Variants in RAC2 observed in about 807,000 individuals in gnomAD.
RAC2 encodes the protein ras-related C3 botulinum toxin substrate 2.
Under a neutral mutation model 24.0 loss-of-function variants are expected in RAC2, and 1 was observed. The ratio of observed to expected loss-of-function variants is 0.04; its 90% CI spans 0.01 to 0.20. The LOEUF is 0.20. Ranked by LOEUF, RAC2 falls within the 10% of genes least tolerant of loss-of-function variation. The pLI is 1.00. For synonymous variants in RAC2, 114 were observed against 106.8 expected (o/e 1.07, Z -0.41); for missense variants, 130 against 259.1 (o/e 0.50, Z 3.42).
chr22:37,230,931 AC>A (rs1445174114), intron 5 of RAC2, among the ~76,000 whole-genome samples: 2 of 152,314 alleles, frequency 1.3e-5, no homozygotes, highest in Non-Finnish European at 2.9e-5. Flanking sequence ...GACGACTACT[AC>A]TAACACAGAG....
rs1378509016 is a variant in RAC2 at position 37,244,248 on chromosome 22, A to G, written c.-100T>C. On this transcript the variant is annotated 5_prime_UTR_variant, in exon 1 of 7. Transcript: ENST00000249071. ...GAGGCTGGTGAGGCGCCTGCTGAGG[A>G]GCAGCGGTGGTGGGGCAGGAGGAAA... 4 of 1,368,602 alleles carry G rather than the reference A, an allele frequency of 2.9e-6. No homozygotes were observed. The highest frequency in any genetic ancestry group is 4.1e-6 in the Non-Finnish European group (4 of 977,594). 84.8% of individuals were successfully genotyped at this position (1,368,602 alleles called of 1,614,324 possible).
intron 2 of RAC2, among the ~76,000 whole-genome samples, chr22:37,236,928 C>A (rs1030263805): frequency 7.9e-5 from 12 of 152,140 alleles, no homozygotes; most frequent in African/African-American, 2.9e-4. Context: ...CGGTGGCTCA[C>A]GCCTGTAATC....
intron 5 of RAC2, among the ~76,000 whole-genome samples, chr22:37,230,145 C>T (rs1364331248): frequency 6.6e-6 from 1 of 151,962 alleles, no homozygotes; most frequent in Non-Finnish European, 1.5e-5. Flanking sequence ...TAGTCTGAGG[C>T]CCCCGGGGAA....
intron 3 of RAC2, 156 bp downstream of exon 3, chr22:37,232,645 T>A: frequency 1.5e-6 from 1 of 675,350 alleles, no homozygotes; most frequent in South Asian, 1.6e-5. Flanking sequence ...AGGAAGCCCT[T>A]CTCTGCCTGG....
Position 37,231,191 on chromosome 22 carries a change from C to A in RAC2, c.448+40G>T, listed in dbSNP as rs549367562. 4.3e-6 allele frequency: 7 copies of A among 1,611,050 alleles called. No homozygotes were observed. The East Asian group carries it at 1.6e-4, about 36-fold the overall frequency. Reference sequence around the variant, plus strand: ...CACCACGAGGCCAAGTCAGGGCCTCCCCTGCAGCCAGATCGCCCCTCTGAG... The same window carrying A: ...CACCACGAGGCCAAGTCAGGGCCTCACCTGCAGCCAGATCGCCCCTCTGAG... On this transcript the variant is annotated intron_variant, in intron 5 of 6. Coordinates refer to ENST00000249071, the MANE Select transcript of RAC2 (RefSeq NM_002872.5). This position sits in a 1 kb window ranked among gnomAD's most constrained non-coding sequence, Gnocchi z 5.5.
chr22:37,241,748 G>T, intron 1 of RAC2, 90 bp from the exon 2 acceptor site: 1 of 1,190,712 alleles, frequency 8.4e-7, no homozygotes, highest in Non-Finnish European at 1.3e-6. Context: ...AAAGACCTCA[G>T]CATCCACCCA....
At chr22:37,226,978 T>A (rs1463679442) in intron 5 of RAC2, among the ~76,000 whole-genome samples, 175 bp from the exon 6 acceptor site, 1 of 16,350 alleles carries the variant, frequency 6.1e-5, no homozygotes, top group Non-Finnish European at 1.2e-4. Context: ...CATACACCCC[T>A]CCCACGCCAT....
chr22:37,231,053 A>C lies in RAC2; in HGVS notation c.448+178T>G, dbSNP rs933454533. Reference sequence around the variant, plus strand: ...ATCACTATCCCATGCTTTTCTGATAAGGAAACACAGGCAGAGAGAGGCTAC... The same window carrying C: ...ATCACTATCCCATGCTTTTCTGATACGGAAACACAGGCAGAGAGAGGCTAC... On this transcript the variant is annotated intron_variant, in intron 5 of 6. Coordinates refer to ENST00000249071, the MANE Select transcript of RAC2 (RefSeq NM_002872.5). This position sits in a 1 kb window ranked among gnomAD's most constrained non-coding sequence, Gnocchi z 5.5. 3.3e-5 allele frequency among the ~76,000 whole-genome samples: 5 copies of C among 152,196 alleles called. No homozygotes were observed. The highest frequency in any genetic ancestry group is 5.9e-5 in the Non-Finnish European group (4 of 68,018).
intron 3 of RAC2, chr22:37,232,310 T>C (rs2145824465): frequency 4.1e-6 from 2 of 482,496 alleles, no homozygotes; most frequent in East Asian, 4.0e-5. Context: ...TTTGCCAACG[T>C]GCACTCTGGT....
Position 37,232,608 on chromosome 22 carries a change from A to G in RAC2, c.225+193T>C, listed in dbSNP as rs1253904937. 3.9e-5 allele frequency: 24 copies of G among 610,516 alleles called. No individual in the cohort carries two copies. The East Asian group carries it at 6.8e-4, about 17-fold the overall frequency. 37.8% of individuals were successfully genotyped at this position (610,516 alleles called of 1,614,324 possible). On this transcript the variant is annotated intron_variant, in intron 3 of 6. Transcript: ENST00000249071. ...AAGATGGGCACATTGAGGACCGGGA[A>G]CCAATGCAGGGCTGAGGGAGTGCAA... is the stretch of plus-strand genomic sequence containing the variant.
At chr22:37,240,700 G>T in intron 2 of RAC2, 2 of 360,794 alleles carry the variant, frequency 5.5e-6, no homozygotes, top group South Asian at 7.0e-5. Context: ...AGTCATGGGA[G>T]AGATCAGATA....
At chr22:37,236,281 A>G (rs1927219526) in intron 2 of RAC2, among the ~76,000 whole-genome samples, 1 of 152,198 alleles carries the variant, frequency 6.6e-6, no homozygotes, top group Admixed American at 6.5e-5. Flanking sequence ...CCCTCCCCAG[A>G]GGACCAGAGG....
chr22:37,241,113 T>C (rs1242337731), intron 2 of RAC2: 2 of 777,386 alleles, frequency 2.6e-6, no homozygotes, highest in Non-Finnish European at 2.4e-6. Context: ...TCCCTCCACG[T>C]CCGATGACAG....
chr22:37,235,656 G>A (rs762299104), intron 2 of RAC2, among the ~76,000 whole-genome samples: 7 of 152,340 alleles, frequency 4.6e-5, no homozygotes, highest in Non-Finnish European at 5.9e-5. Context: ...GGAAGAAGGC[G>A]CTGTCCAGGG....
chr22:37,231,877 T>A lies in RAC2; in HGVS notation c.288+55A>T. 6.5e-7 allele frequency: 1 copy of A among 1,533,024 alleles called. No individual in the cohort carries two copies. Among genetic ancestry groups the A allele is most frequent in the Non-Finnish European group, 8.8e-7 (1 of 1,130,586 alleles). The allele number at this position is 1,533,024 out of a possible 1,614,324, so 95.0% of individuals were successfully genotyped here. ...GCCTAGAGTCACCAGTTCCTCCCTCTGTCCCTCAGGGTTACCTGCCCCAGA... is the reference window on the plus strand; with the variant it reads ...GCCTAGAGTCACCAGTTCCTCCCTCAGTCCCTCAGGGTTACCTGCCCCAGA... On this transcript the variant is annotated intron_variant, in intron 4 of 6. Transcript: ENST00000249071. This position sits in a 1 kb window ranked among gnomAD's most constrained non-coding sequence, Gnocchi z 5.5.
At chr22:37,232,309 G>C (rs761679434) in intron 3 of RAC2, 11 of 481,576 alleles carry the variant, frequency 2.3e-5, no homozygotes, top group South Asian at 2.1e-4. Context: ...GTTTGCCAAC[G>C]TGCACTCTGG....
At chr22:37,239,647 T>C (rs751532153) in intron 2 of RAC2, among the ~76,000 whole-genome samples, 4 of 152,126 alleles carry the variant, frequency 2.6e-5, no homozygotes, top group African/African-American at 9.7e-5. Context: ...CTACCTCTTA[T>C]AGAAAAGGAG....
rs530158732 is a variant in RAC2, at chr22:37,240,810, T to C, written c.107+777A>G. The C allele has an allele frequency of 2.3e-5, 13 of 564,352 alleles. No individual in the cohort carries two copies. The East Asian group carries it at 3.8e-4, about 17-fold the overall frequency. 35.0% of individuals were successfully genotyped at this position (564,352 alleles called of 1,614,324 possible). On this transcript the variant is annotated intron_variant, in intron 2 of 6. Transcript: ENST00000249071. ...CGCCTGGAGGCTTTAGACAGGTGGA[T>C]GTGGGGAGAAAAAGCACTATGGGGA...
chr22:37,236,711 C>T (rs1023867013), intron 2 of RAC2, among the ~76,000 whole-genome samples: 44 of 152,080 alleles, frequency 2.9e-4, no homozygotes, highest in African/African-American at 1.0e-3. Context: ...CGAAGCCCAC[C>T]CCCACGGAGG....
Sources: allele counts gnomAD v4.1 joint callset (sites outside exome capture counted in the v4.1 genomes callset), GRCh38; gene constraint gnomAD v4.1.1; non-coding constraint Gnocchi (gnomAD v3.1); transcripts MANE v1.5; gene names NCBI Gene and HGNC (gene_info 2026-07-23, HGNC 2026-07-21).